Variants in CEP128 observed in about 807,000 individuals in gnomAD.
CEP128 encodes centrosomal protein 128kDa.
A neutral mutation model predicts 156.7 loss-of-function variants in CEP128; 132 were observed. The ratio of observed to expected loss-of-function variants is 0.84; its 90% CI spans 0.73 to 0.97. The LOEUF is 0.97. Ranked by LOEUF, CEP128 falls within the 50% of genes least tolerant of loss-of-function variation. The probability of loss-of-function intolerance (pLI) is 0.00; values close to 1 mark genes in which losing one functional copy is unlikely to be tolerated. For missense variants in CEP128, 1,252 were observed against 1,281.9 expected (o/e 0.98, Z 0.36); for synonymous variants, 469 against 448.9 (o/e 1.04, Z -0.57).
At chr14:80,790,205 A>G (rs1901630832) in intron 14 of CEP128, among the ~76,000 whole-genome samples, 1 of 152,106 alleles carries the variant, frequency 6.6e-6, no homozygotes, top group Admixed American at 6.6e-5. Context: ...TATTCTGCCA[A>G]TTCAGCAGGG....
intron 19 of CEP128, among the ~76,000 whole-genome samples, chr14:80,667,543 C>CA (rs1246126618): frequency 4.6e-5 from 7 of 152,032 alleles, no homozygotes; most frequent in African/African-American, 1.7e-4. Flanking sequence ...AAAAGTCAGC[C>CA]AACAAATCAA....
chr14:80,897,226 C>A (rs1889386149), intron 7 of CEP128, among the ~76,000 whole-genome samples: 1 of 152,152 alleles, frequency 6.6e-6, no homozygotes, highest in Non-Finnish European at 1.5e-5. Context: ...TCTATGCTAT[C>A]TAGAATTTCC....
intron 20 of CEP128, among the ~76,000 whole-genome samples, chr14:80,568,120 A>G (rs1232179690): frequency 1.3e-5 from 2 of 152,158 alleles, no homozygotes; most frequent in African/African-American, 4.8e-5. Flanking sequence ...TTTCAGGTAC[A>G]CAAAGGGTTG....
intron 20 of CEP128, among the ~76,000 whole-genome samples, chr14:80,572,193 G>A (rs543528120): frequency 6.6e-6 from 1 of 152,280 alleles, no homozygotes; most frequent in South Asian, 2.1e-4. Flanking sequence ...ATCCCAGACT[G>A]GGGAAATCCT....
chr14:80,929,047 A>T (rs999045671), intron 2 of CEP128, among the ~76,000 whole-genome samples: 2 of 152,194 alleles, frequency 1.3e-5, no homozygotes, highest in Non-Finnish European at 2.9e-5. Flanking sequence ...TAATCCTATT[A>T]AAAAGTGGGC....
At chr14:80,753,553 C>T (rs1446011817) in intron 18 of CEP128, among the ~76,000 whole-genome samples, 2 of 152,146 alleles carry the variant, frequency 1.3e-5, no homozygotes, top group Admixed American at 6.5e-5. Context: ...TATGTGAGTC[C>T]ATCCTGAGAG....
At chr14:80,868,979 A>G (rs1296309878) in intron 8 of CEP128, among the ~76,000 whole-genome samples, 1 of 152,098 alleles carries the variant, frequency 6.6e-6, no homozygotes, top group East Asian at 1.9e-4. Flanking sequence ...TAATCAGAGC[A>G]CCTAAATATA....
chr14:80,729,058 GGTGTGTGTGTGTGTGTGT>G lies in CEP128; in HGVS notation c.2806+13999_2806+14016del, dbSNP rs559470308. ...CCTAGTCCCAGGCTGGGCTGGTGGG[GGTGTGTGTGTGTGTGTGT>G]GTGTGTGTGTGTGTGTGTGTGTGTG... On this transcript the variant is annotated intron_variant, in intron 19 of 24. Transcript: ENST00000555265. Among the ~76,000 whole-genome samples, 68 of 105,054 alleles carry G rather than the reference GGTGTGTGTGTGTGTGTGT, an allele frequency of 6.5e-4. 1 individual carries two copies. Among genetic ancestry groups the G allele is most frequent in the African/African-American group, 1.1e-3 (21 of 19,976 alleles). The allele number at this position is 105,054 out of a possible 152,430, so 68.9% of individuals were successfully genotyped here.
chr14:80,757,746 C>T (rs1899742073), intron 17 of CEP128, among the ~76,000 whole-genome samples: 1 of 152,190 alleles, frequency 6.6e-6, no homozygotes, highest in African/African-American at 2.4e-5. Flanking sequence ...TCTCAAATAC[C>T]TCCATACCTC....
chr14:80,504,402 C>T (rs149907753), intron 24 of CEP128, among the ~76,000 whole-genome samples: 6 of 152,078 alleles, frequency 3.9e-5, no homozygotes, highest in African/African-American at 7.2e-5. Flanking sequence ...GGAAGGGAGA[C>T]GGCAGGGATA....
At chr14:80,915,458 T>C (rs1594842079) in intron 3 of CEP128, among the ~76,000 whole-genome samples, 3 of 152,366 alleles carry the variant, frequency 2.0e-5, no homozygotes, top group East Asian at 3.9e-4. Context: ...AAATCCATTC[T>C]TAGCCAGGCT....
intron 4 of CEP128, among the ~76,000 whole-genome samples, chr14:80,912,453 G>A (rs1884294264): frequency 6.6e-6 from 1 of 151,972 alleles, no homozygotes; most frequent in African/African-American, 2.4e-5. Flanking sequence ...TTACAAAGTA[G>A]GACTATACTC....
intron 21 of CEP128, among the ~76,000 whole-genome samples, chr14:80,554,922 T>C (rs1890365312): frequency 6.6e-6 from 1 of 152,108 alleles, no homozygotes; most frequent in Non-Finnish European, 1.5e-5. Flanking sequence ...TTTTGCTCTT[T>C]CCGAAAGAGC....
intron 18 of CEP128, among the ~76,000 whole-genome samples, chr14:80,750,379 A>G (rs1275996350): frequency 6.7e-6 from 1 of 148,260 alleles, no homozygotes; most frequent in Non-Finnish European, 1.5e-5. Flanking sequence ...GTTTTCCGCC[A>G]TATGAGAATG....
At chr14:80,516,056 C>G (rs1365250781) in intron 23 of CEP128, among the ~76,000 whole-genome samples, 1 of 152,116 alleles carries the variant, frequency 6.6e-6, no homozygotes, top group Non-Finnish European at 1.5e-5. Context: ...TTAGTAGAAA[C>G]AGGGTTTCAT....
chr14:80,565,046 T>C (rs1890854258), intron 20 of CEP128, among the ~76,000 whole-genome samples: 2 of 151,616 alleles, frequency 1.3e-5, no homozygotes, highest in African/African-American at 4.8e-5. Context: ...GCAAAAGGAG[T>C]GAAACTCCGT....
chr14:80,671,833 G>A (rs1895853633), intron 19 of CEP128, among the ~76,000 whole-genome samples: 1 of 125,702 alleles, frequency 8.0e-6, no homozygotes, highest in Non-Finnish European at 1.6e-5. Context: ...TCTATATATA[G>A]TAAACTGTTT....
chr14:80,694,992 TAAG>T lies in CEP128; in HGVS notation c.2806+48080_2806+48082del, dbSNP rs1203134633. On this transcript the variant is annotated intron_variant, in intron 19 of 24. Transcript: ENST00000555265. ...ATGATTTCTGCACATTAACCATAAA[TAAG>T]AATAGTTTGTTGCTTAAATTATTAA... 2.6e-5 allele frequency among the ~76,000 whole-genome samples: 4 copies of T among 151,544 alleles called. No individual in the cohort carries two copies. In the East Asian group the frequency reaches 7.7e-4, roughly 29 times the overall value.
intron 19 of CEP128, among the ~76,000 whole-genome samples, chr14:80,645,498 T>TA (rs1473169797): frequency 3.3e-5 from 5 of 152,074 alleles, no homozygotes; most frequent in Admixed American, 3.3e-4. Flanking sequence ...ATGACAATAT[T>TA]ATATAAGATG....
Sources: gnomAD v4.1 joint callset for allele counts (sites outside exome capture counted in the v4.1 genomes callset) on GRCh38, gnomAD v4.1.1 for gene constraint, MANE v1.5 for transcripts, NCBI Gene and HGNC (gene_info 2026-07-23, HGNC 2026-07-21) for gene names.